IKBKB: variants seen among roughly 807,000 people sequenced by gnomAD.
IKBKB encodes the protein inhibitor of nuclear factor kappa B kinase subunit beta.
A neutral mutation model predicts 113.6 loss-of-function variants in IKBKB; 42 were observed. That is an observed-to-expected ratio of 0.37 (90% CI 0.29 to 0.48). IKBKB has a LOEUF of 0.48. Ranked by LOEUF, IKBKB falls within the 20% of genes least tolerant of loss-of-function variation. The probability of loss-of-function intolerance (pLI) is 0.99; values close to 1 mark genes in which losing one functional copy is unlikely to be tolerated. For missense variants in IKBKB, 673 were observed against 939.7 expected (o/e 0.72, Z 3.71); for synonymous variants, 296 against 361.3 (o/e 0.82, Z 2.05).
chr8:42,318,025 G>A (rs17875716), intron 12 of IKBKB, among the ~76,000 whole-genome samples: 17,570 of 152,064 alleles, frequency 0.12, 1,862 homozygotes, highest in African/African-American at 0.27. Flanking sequence ...ACTTTGGGAG[G>A]CTGAGGCAGG....
At chr8:42,313,160 A>G (rs1422426810) in intron 8 of IKBKB, among the ~76,000 whole-genome samples, 1 of 152,166 alleles carries the variant, frequency 6.6e-6, no homozygotes, top group Non-Finnish European at 1.5e-5. Context: ...TATGTAGATT[A>G]TTTTTACTGG....
chr8:42,311,727 C>G (rs1007666273), intron 8 of IKBKB, among the ~76,000 whole-genome samples: 1 of 152,092 alleles, frequency 6.6e-6, no homozygotes, highest in South Asian at 2.1e-4. Context: ...GCAAAGTATG[C>G]CCCACTATGG....
At chr8:42,276,621 A>G (rs937638885) in intron 2 of IKBKB, among the ~76,000 whole-genome samples, 8 of 151,024 alleles carry the variant, frequency 5.3e-5, no homozygotes, top group Non-Finnish European at 7.4e-5. Flanking sequence ...TCATTTGTCT[A>G]CTTTTGCCTC....
rs1821716576 is a variant in IKBKB, at chr8:42,331,797, G to C, written c.*818G>C. On this transcript the variant is annotated 3_prime_UTR_variant, in exon 22 of 22. Transcript: ENST00000520810. ...CAGAAAGGGTATCTGCTGACCACCAGCCTGCCTACCCATGCCCATGTCTCC... is the reference window on the plus strand; with the variant it reads ...CAGAAAGGGTATCTGCTGACCACCACCCTGCCTACCCATGCCCATGTCTCC... The C allele has an allele frequency of 3.5e-6, 1 of 285,458 alleles. No individual in the cohort carries two copies. Among genetic ancestry groups the C allele is most frequent in the African/African-American group, 2.2e-5 (1 of 45,646 alleles). 17.7% of individuals were successfully genotyped at this position (285,458 alleles called of 1,614,324 possible). A position where few individuals can be genotyped will look rare whatever the true frequency, so the allele number is the denominator to read the frequency against.
At chr8:42,293,677 A>G (rs1813123697) in intron 5 of IKBKB, 165 bp downstream of exon 5, 4 of 1,146,464 alleles carry the variant, frequency 3.5e-6, no homozygotes, top group Admixed American at 4.5e-5. Flanking sequence ...GAGGTCAACA[A>G]GGAGTCAGCC....
At chr8:42,307,730 G>A (rs192562338) in intron 7 of IKBKB, among the ~76,000 whole-genome samples, 2 of 152,224 alleles carry the variant, frequency 1.3e-5, no homozygotes, top group East Asian at 1.9e-4. Flanking sequence ...AGCAGCAGTC[G>A]AGCAAGGGGG....
At chr8:42,277,830 T>A (rs1809496740) in intron 2 of IKBKB, among the ~76,000 whole-genome samples, 1 of 152,218 alleles carries the variant, frequency 6.6e-6, no homozygotes, top group East Asian at 1.9e-4. Context: ...GGTCTGGCCT[T>A]TGGAGTTCCT....
intron 5 of IKBKB, 37 bp downstream of exon 5, chr8:42,293,549 A>G: frequency 1.9e-6 from 3 of 1,614,048 alleles, no homozygotes; most frequent in Non-Finnish European, 1.7e-6. Context: ...CGTGTCCTTC[A>G]GGGAGAGTGT....
intron 2 of IKBKB, among the ~76,000 whole-genome samples, chr8:42,286,184 G>A (rs1280670557): frequency 6.6e-6 from 1 of 152,214 alleles, no homozygotes; most frequent in Non-Finnish European, 1.5e-5. Context: ...GAGTATTTTA[G>A]AAGTGTTGAC....
At chr8:42,318,421 C>A in intron 12 of IKBKB, 131 bp from the exon 13 acceptor site, 1 of 1,013,638 alleles carries the variant, frequency 9.9e-7, no homozygotes, top group Non-Finnish European at 1.5e-6. Context: ...GCATAACACC[C>A]TCCAAAGTTA....
intron 3 of IKBKB, 84 bp downstream of exon 3, chr8:42,288,812 C>T (rs967243881): frequency 1.8e-5 from 20 of 1,098,218 alleles, no homozygotes; most frequent in Non-Finnish European, 2.3e-5. Flanking sequence ...TTGCTGGGTG[C>T]GTGGCTCACG....
At chr8:42,306,468 C>T (rs775618270) in intron 7 of IKBKB, 36 bp downstream of exon 7, 13 of 1,353,872 alleles carry the variant, frequency 9.6e-6, no homozygotes, top group Non-Finnish European at 1.4e-5. Context: ...CCTGTCAGCT[C>T]CTCCCTGCTG....
chr8:42,320,811 T>A lies in IKBKB; in HGVS notation c.1655T>A (p.Met552Lys), dbSNP rs778292930. 6.2e-7 allele frequency: 1 copy of A among 1,606,342 alleles called. No homozygotes were observed. Among genetic ancestry groups the A allele is most frequent in the Non-Finnish European group, 8.5e-7 (1 of 1,176,116 alleles). The change falls in exon 16 of 22, where the codon ATG (methionine) becomes AAG (lysine). Residue 552 changes from methionine (M) to lysine (K), a missense_variant. Met to Lys is a moderately conservative substitution (Grantham distance 95). Transcript: ENST00000520810. Reference protein sequence around the residue: ...TDIVDLQRSPMGRKQGGTLDD... With the variant: ...TDIVDLQRSPKGRKQGGTLDD... ...ATTGTGGACTTACAGAGGAGCCCCATGGGCCGGAAGCAGGGGGGAACGCTG... is the reference window on the plus strand; with the variant it reads ...ATTGTGGACTTACAGAGGAGCCCCAAGGGCCGGAAGCAGGGGGGAACGCTG...
At chr8:42,307,957 C>T (rs971754230) in intron 7 of IKBKB, among the ~76,000 whole-genome samples, 70 of 152,226 alleles carry the variant, frequency 4.6e-4, no homozygotes, top group Non-Finnish European at 7.8e-4. Flanking sequence ...TCTCCACCCA[C>T]CTGCTAAGCC....
chr8:42,271,996 C>T (rs1268482834), intron 1 of IKBKB, 87 bp from the exon 2 acceptor site: 1 of 1,265,390 alleles, frequency 7.9e-7, no homozygotes, highest in Non-Finnish European at 1.1e-6. Flanking sequence ...CATTCAAGAG[C>T]AGTGGTATCT....
chr8:42,299,857 T>C (rs886489040), intron 5 of IKBKB, among the ~76,000 whole-genome samples: 8 of 152,232 alleles, frequency 5.3e-5, no homozygotes, highest in African/African-American at 1.9e-4. Flanking sequence ...CCTGTGGGTC[T>C]TTCTGCTGAT....
chr8:42,322,728 A>G (rs1310521662), intron 19 of IKBKB, among the ~76,000 whole-genome samples: 1 of 152,196 alleles, frequency 6.6e-6, no homozygotes, highest in South Asian at 2.1e-4. Context: ...GGCTACTGTA[A>G]AGATTAGCAC....
chr8:42,300,000 G>C (rs532439983), intron 5 of IKBKB, among the ~76,000 whole-genome samples: 37 of 152,342 alleles, frequency 2.4e-4, no homozygotes, highest in African/African-American at 8.4e-4. Context: ...TTAGGAAAAG[G>C]CTTTGATTCA....
intron 19 of IKBKB, chr8:42,325,204 G>A (rs375135537): frequency 3.0e-6 from 3 of 985,652 alleles, no homozygotes; most frequent in Non-Finnish European, 3.6e-6. Flanking sequence ...TAGCTGGAAT[G>A]GGAACCCCTG....
Sources: gnomAD v4.1 joint callset for allele counts (sites outside exome capture counted in the v4.1 genomes callset) on GRCh38, gnomAD v4.1.1 for gene constraint, MANE v1.5 for transcripts, NCBI Gene and HGNC (gene_info 2026-07-23, HGNC 2026-07-21) for gene names.